C7: variants seen among roughly 807,000 people sequenced by gnomAD.
C7 encodes the protein complement C7.
C7 carries 83 observed loss-of-function variants against 104.8 expected under a neutral mutation model. That is an observed-to-expected ratio of 0.79 (90% CI 0.66 to 0.95). The LOEUF is 0.95. Ranked by LOEUF, C7 falls within the 40% of genes least tolerant of loss-of-function variation. The probability of loss-of-function intolerance (pLI) is 0.00; values close to 1 mark genes in which losing one functional copy is unlikely to be tolerated. For synonymous variants in C7, 415 were observed against 360.6 expected (o/e 1.15, Z -1.71); for missense variants, 1,070 against 1,011.2 (o/e 1.06, Z -0.79).
intron 11 of C7, 55 bp from the exon 12 acceptor site, chr5:40,959,394 A>G (rs936952698): frequency 6.6e-7 from 1 of 1,507,372 alleles, no homozygotes; most frequent in Admixed American, 2.0e-5. Context: ...GCATAGCACT[A>G]AGTTCCCAAG....
Position 40,958,217 on chromosome 5 carries a change from T to A in C7, c.1445T>A (p.Phe482Tyr), listed in dbSNP as rs773008283. The A allele has an allele frequency of 6.2e-7, 1 of 1,612,862 alleles. No individual in the cohort carries two copies. Among genetic ancestry groups the A allele is most frequent in the Middle Eastern group, 1.7e-4 (1 of 6,048 alleles). The change falls in exon 11 of 18, where the codon TTT (phenylalanine) becomes TAT (tyrosine). Residue 482 changes from phenylalanine to tyrosine, a missense_variant. Transcript: ENST00000313164. ...HCLCHCKPYT[F>Y]GAACEQGVLV... ...CTGTGCCATTGCAAACCGTACACAT[T>A]TGGTGCGGCGTGTGAGCAAGGAGTC... is the stretch of plus-strand genomic sequence containing the variant.
At chr5:40,943,651 ATATG>A (rs1192077751) in intron 6 of C7, among the ~76,000 whole-genome samples, 4 of 151,656 alleles carry the variant, frequency 2.6e-5, no homozygotes, top group Admixed American at 6.6e-5. Flanking sequence ...TCAATAATAT[ATATG>A]TGTGTATGTG....
chr5:40,922,278 G>C (rs1423224131), intron 1 of C7, among the ~76,000 whole-genome samples: 1 of 147,806 alleles, frequency 6.8e-6, no homozygotes, highest in East Asian at 2.1e-4. Context: ...GGGAGGCTGA[G>C]GCAGAAGAAA....
intron 6 of C7, among the ~76,000 whole-genome samples, chr5:40,941,123 G>A (rs1237247619): frequency 1.3e-5 from 2 of 150,800 alleles, no homozygotes; most frequent in East Asian, 1.9e-4. Flanking sequence ...GAGTGCAGTC[G>A]TGTGATCTCG....
At chr5:40,916,923 T>C (rs1374993563) in intron 1 of C7, among the ~76,000 whole-genome samples, 1 of 152,004 alleles carries the variant, frequency 6.6e-6, no homozygotes, top group African/African-American at 2.4e-5. Context: ...AAGAATATAA[T>C]ACATTGTTCT....
rs767239431 is a variant in C7, at chr5:40,931,151, C to A, written c.138+12C>A. 6.9e-6 allele frequency: 11 copies of A among 1,602,328 alleles called. No homozygotes were observed. Among genetic ancestry groups the A allele is most frequent in the African/African-American group, 1.3e-5 (1 of 74,640 alleles). On this transcript the variant is annotated intron_variant, in intron 3 of 17. Transcript: ENST00000313164. The stretch of plus-strand genomic sequence containing the variant: ...GTACCAAGACTCAGGTAGGACCATG[C>A]AAAACTTTGTATTTGATTATTTATT...
At chr5:40,931,306 GGTAATAAAGTAACTTGTAATATT>G (rs1739678818) in intron 3 of C7, among the ~76,000 whole-genome samples, 167 bp downstream of exon 3, 1 of 152,052 alleles carries the variant, frequency 6.6e-6, no homozygotes, top group African/African-American at 2.4e-5. Flanking sequence ...TAATTAATAT[GGTAATAAAGTAACTTGTAATATT>G]GTAATAAAGT....
intron 15 of C7, among the ~76,000 whole-genome samples, chr5:40,975,174 C>T (rs1740786971): frequency 6.6e-6 from 1 of 152,080 alleles, no homozygotes; most frequent in Non-Finnish European, 1.5e-5. Flanking sequence ...ACCCATCTTC[C>T]TTAATATTAA....
At chr5:40,959,372 T>G in intron 11 of C7, 77 bp from the exon 12 acceptor site, 1 of 1,296,388 alleles carries the variant, frequency 7.7e-7, no homozygotes, top group East Asian at 2.5e-5. Context: ...CCAATTAACT[T>G]GTTAGCAGGA....
intron 1 of C7, among the ~76,000 whole-genome samples, chr5:40,922,886 T>C (rs1464591596): frequency 7.2e-5 from 11 of 151,914 alleles, no homozygotes; most frequent in Non-Finnish European, 1.6e-4. Flanking sequence ...GAAGAAAACA[T>C]AGGGAAACAG....
At chr5:40,923,998 A>G (rs960796027) in intron 1 of C7, among the ~76,000 whole-genome samples, 2 of 152,110 alleles carry the variant, frequency 1.3e-5, no homozygotes, top group Non-Finnish European at 1.5e-5. Flanking sequence ...CACACTATAA[A>G]AGACAATGAT....
chr5:40,967,412 T>TTTTATTTA (rs1430356302), intron 14 of C7: 2 of 152,272 alleles, frequency 1.3e-5, no homozygotes, highest in South Asian at 2.1e-4. Flanking sequence ...TTATTTTTTA[T>TTTTATTTA]TTTATTTATT....
chr5:40,934,755 A>G (rs1249316681), intron 4 of C7, among the ~76,000 whole-genome samples: 1 of 152,198 alleles, frequency 6.6e-6, no homozygotes, highest in Non-Finnish European at 1.5e-5. Context: ...ATTTTGAGTA[A>G]AGATGCAGAG....
chr5:40,946,963 C>A (rs1740061383), intron 7 of C7, among the ~76,000 whole-genome samples: 1 of 151,868 alleles, frequency 6.6e-6, no homozygotes, highest in South Asian at 2.1e-4. Context: ...GTGGCTGAGG[C>A]AGGACAAAGC....
chr5:40,911,019 C>T (rs545962102), intron 1 of C7: 81 of 152,108 alleles, frequency 5.3e-4, no homozygotes, highest in African/African-American at 1.4e-3. Context: ...AATTAGTTGA[C>T]AAAATATCAA....
intron 9 of C7, 57 bp downstream of exon 9, chr5:40,950,071 TA>T (rs1740135729): frequency 2.9e-6 from 3 of 1,017,758 alleles, no homozygotes; most frequent in African/African-American, 1.6e-5. Flanking sequence ...TTTTTACTTT[TA>T]AGTTCAAGGG....
chr5:40,958,257 A>G lies in C7; in HGVS notation c.1485A>G (p.Gln495=), dbSNP rs780464412. The change falls in exon 11 of 18, where the codon CAA becomes CAG. Residue 495 remains glutamine, a synonymous_variant. Coordinates refer to ENST00000313164, the MANE Select transcript of C7 (RefSeq NM_000587.4). ...ACEQGVLVGN[Q]AGGVDGGWSC... Reference sequence around the variant, plus strand: ...AGCAAGGAGTCCTCGTAGGGAATCAAGCAGGTCAGTGGGGTGAATTTTCTC... The same window carrying G: ...AGCAAGGAGTCCTCGTAGGGAATCAGGCAGGTCAGTGGGGTGAATTTTCTC... 6.9e-6 allele frequency: 11 copies of G among 1,597,014 alleles called. No homozygotes were observed. The African/African-American group carries it at 1.3e-4, about 19-fold the overall frequency.
intron 14 of C7, among the ~76,000 whole-genome samples, chr5:40,971,419 T>C (rs563178623): frequency 6.6e-6 from 1 of 151,016 alleles, no homozygotes; most frequent in East Asian, 1.9e-4. Context: ...CTTTGCCCAC[T>C]TTTTGATGGG....
chr5:40,959,717 T>A, intron 12 of C7, 97 bp downstream of exon 12: 1 of 974,410 alleles, frequency 1.0e-6, no homozygotes, highest in Non-Finnish European at 1.5e-6. Context: ...GATTTAGAAG[T>A]TAAATGGCTA....
Sources: allele counts gnomAD v4.1 joint callset (sites outside exome capture counted in the v4.1 genomes callset), GRCh38; gene constraint gnomAD v4.1.1; transcripts MANE v1.5; gene names NCBI Gene and HGNC (gene_info 2026-07-23, HGNC 2026-07-21).